TRAFD1: variants seen among roughly 807,000 people sequenced by gnomAD.
TRAFD1 encodes the protein TRAF-type zinc finger domain-containing protein 1.
A neutral mutation model predicts 65.3 loss-of-function variants in TRAFD1; 38 were observed. The observed-to-expected ratio is 0.58, with a 90% confidence interval of 0.45 to 0.76. TRAFD1 has a LOEUF of 0.76. Among genes scored for constraint, TRAFD1 ranks in the 30% least tolerant of loss-of-function variants. TRAFD1 has a pLI of 0.00. For synonymous variants in TRAFD1, 223 were observed against 257.2 expected, an observed-to-expected ratio of 0.87 and a Z score of 1.27; for missense variants, 631 against 712.6, an observed-to-expected ratio of 0.89 and a Z score of 1.30.
chr12:112,151,519 G>A (rs960614866), intron 9 of TRAFD1, among the ~76,000 whole-genome samples: 3 of 151,522 alleles, frequency 2.0e-5, no homozygotes, highest in African/African-American at 4.8e-5. Context: ...TCAGCCTCCT[G>A]AGTAGCTGAG....
intron 1 of TRAFD1, among the ~76,000 whole-genome samples, chr12:112,126,715 C>T (rs910289807): frequency 6.6e-6 from 1 of 151,234 alleles, no homozygotes; most frequent in Non-Finnish European, 1.5e-5. Flanking sequence ...AGTGCAGTGG[C>T]GAGATCTCAG....
chr12:112,140,779 T>C, intron 4 of TRAFD1, 40 bp from the exon 5 acceptor site: 1 of 1,605,736 alleles, frequency 6.2e-7, no homozygotes, highest in Non-Finnish European at 8.5e-7. Context: ...ACACCTCTCC[T>C]AGATATGCAT....
At chr12:112,135,579 G>A (rs2079594774) in intron 4 of TRAFD1, among the ~76,000 whole-genome samples, 1 of 151,826 alleles carries the variant, frequency 6.6e-6, no homozygotes, top group African/African-American at 2.4e-5. Context: ...GATTATAGGC[G>A]CCCACCACCA....
chr12:112,134,603 A>G (rs1288962199), intron 2 of TRAFD1, 135 bp from the exon 3 acceptor site: 2 of 1,033,758 alleles, frequency 1.9e-6, no homozygotes, highest in Non-Finnish European at 2.8e-6. Context: ...ATGAGTTTGT[A>G]GGCTAGGTAT....
intron 8 of TRAFD1, 49 bp from the exon 9 acceptor site, chr12:112,149,702 C>T (rs1228202610): frequency 1.9e-6 from 3 of 1,610,096 alleles, no homozygotes; most frequent in East Asian, 4.5e-5. Context: ...ATGCTCTTTT[C>T]TGGGAATGAC....
chr12:112,144,885 G>A (rs145292819), intron 6 of TRAFD1, among the ~76,000 whole-genome samples: 3 of 152,172 alleles, frequency 2.0e-5, no homozygotes, highest in East Asian at 1.9e-4. Context: ...TCACAAATGC[G>A]AATTTATGTA....
chr12:112,132,284 T>TA (rs1388449222), intron 2 of TRAFD1, among the ~76,000 whole-genome samples: 1 of 152,234 alleles, frequency 6.6e-6, no homozygotes, highest in African/African-American at 2.4e-5. Context: ...TTTCATTTTT[T>TA]ACCATTCTAT....
intron 4 of TRAFD1, among the ~76,000 whole-genome samples, chr12:112,138,531 C>G (rs1828004642): frequency 6.6e-6 from 1 of 151,138 alleles, no homozygotes; most frequent in Non-Finnish European, 1.5e-5. Context: ...GCCTGGGCAA[C>G]AGAGTGAGAC....
rs544585446 is a variant in TRAFD1, at chr12:112,148,160, C to T, written c.1014C>T (p.Phe338=). 6 of 1,614,070 alleles carry T rather than the reference C, an allele frequency of 3.7e-6. No homozygotes were observed. Among genetic ancestry groups the T allele is most frequent in the Non-Finnish European group, 5.1e-6 (6 of 1,180,048 alleles). The change falls in exon 8 of 12, where the codon TTC becomes TTT. Residue 338 remains phenylalanine (F), a synonymous_variant. Transcript: ENST00000412615. ...PRGVEEPDVI[F]QNFLQQAASN... is the part of the protein sequence containing the mutation. ...GGGTGGAGGAACCTGATGTCATCTT[C>T]CAGAACTTCTTGCAACAGGCTGCAA...
intron 2 of TRAFD1, among the ~76,000 whole-genome samples, chr12:112,131,369 T>G (rs932444327): frequency 1.3e-5 from 2 of 152,180 alleles, no homozygotes; most frequent in African/African-American, 4.8e-5. Context: ...AGGAGGAATC[T>G]CAAGCCTAGG....
Position 112,141,154 on chromosome 12 carries a change from A to G in TRAFD1, c.573A>G (p.Ser191=). The change falls in exon 5 of 12, where the codon TCA becomes TCG. Residue 191 remains serine (S), a synonymous_variant. Transcript: ENST00000412615. Reference sequence around the variant, plus strand: ...GAAGGCCCCTGAGAGCCTTTGAATCAGATGTTTTCCACAATAGAACTACCA... The same window carrying G: ...GAAGGCCCCTGAGAGCCTTTGAATCGGATGTTTTCCACAATAGAACTACCA... ...LPRRPLRAFE[S]DVFHNRTTNQ... 5.0e-6 allele frequency: 8 copies of G among 1,614,220 alleles called. No individual in the cohort carries two copies. The highest frequency in any genetic ancestry group is 6.8e-6 in the Non-Finnish European group (8 of 1,180,046).
chr12:112,134,476 G>A (rs763326927), intron 2 of TRAFD1, among the ~76,000 whole-genome samples: 10 of 151,912 alleles, frequency 6.6e-5, no homozygotes, highest in Admixed American at 6.6e-5. Flanking sequence ...GGTTGGTCTC[G>A]AACGCCTGAC....
At chr12:112,148,343 C>G (rs149616355) in intron 8 of TRAFD1, 39 bp downstream of exon 8, 1 of 1,568,330 alleles carries the variant, frequency 6.4e-7, no homozygotes, top group African/African-American at 1.3e-5. Flanking sequence ...TGGCTCTGTG[C>G]GTGAACCTGA....
chr12:112,141,053 G>T lies in TRAFD1; in HGVS notation c.472G>T (p.Gly158Cys). 6.2e-7 allele frequency: 1 copy of T among 1,614,114 alleles called. No individual in the cohort carries two copies. Among genetic ancestry groups the T allele is most frequent in the Non-Finnish European group, 8.5e-7 (1 of 1,180,010 alleles). Residue 158 changes from glycine to cysteine, a missense_variant, in exon 5 of 12, where the codon GGT becomes TGT. Transcript: ENST00000412615. ...IPPNAYDESWGQDGIWIASQL... is the reference protein window; with the variant it reads ...IPPNAYDESWCQDGIWIASQL... ...TCCTAATGCATATGATGAATCTTGG[G>T]GTCAGGATGGAATCTGGATTGCATC... is the stretch of plus-strand genomic sequence containing the variant.
chr12:112,135,030 C>G lies in TRAFD1; in HGVS notation c.201C>G (p.Asn67Lys), dbSNP rs748289143. ...TACTCTAGGTGACCTGCAAATGTAACAAGAAGTTGGAGAAGAGGCTGTTAA... is the reference window on the plus strand; with the variant it reads ...TACTCTAGGTGACCTGCAAATGTAAGAAGAAGTTGGAGAAGAGGCTGTTAA... ...AEHCQVTCKCNKKLEKRLLKK... is the reference protein window; with the variant it reads ...AEHCQVTCKCKKKLEKRLLKK... Residue 67 changes from asparagine (N) to lysine (K), a missense_variant, in exon 4 of 12, where the codon AAC becomes AAG. Coordinates refer to ENST00000412615, the MANE Select transcript of TRAFD1 (RefSeq NM_006700.3). 2.5e-6 allele frequency: 4 copies of G among 1,614,076 alleles called. No homozygotes were observed. Among genetic ancestry groups the G allele is most frequent in the Non-Finnish European group, 3.4e-6 (4 of 1,180,044 alleles).
rs966102878 is a variant in TRAFD1, at chr12:112,148,099, T to C, written c.953T>C (p.Leu318Ser). ...HQTSCNPSRALPSLNTGSSSP... is the reference protein window; with the variant it reads ...HQTSCNPSRASPSLNTGSSSP... ...ACAAGCTGTAACCCTTCACGTGCCT[T>C]ACCTTCACTCAATACTGGCAGCTCT... The change falls in exon 8 of 12, where the codon TTA (leucine) becomes TCA (serine). Residue 318 changes from leucine (L) to serine (S), a missense_variant. Transcript: ENST00000412615. 3.1e-6 allele frequency: 5 copies of C among 1,614,112 alleles called. No homozygotes were observed. Among genetic ancestry groups the C allele is most frequent in the Non-Finnish European group, 1.7e-6 (2 of 1,180,046 alleles).
chr12:112,153,197 T>G lies in TRAFD1; in HGVS notation c.*406T>G. ...GTTGGGGCCTAAATTTGGGGGCTTT[T>G]GGGCAACCTCTCCGTGTACTGCGTC... On this transcript the variant is annotated 3_prime_UTR_variant, in exon 12 of 12. Transcript: ENST00000412615. 1 of 187,092 alleles carries G rather than the reference T, an allele frequency of 5.3e-6. No homozygotes were observed. The highest frequency in any genetic ancestry group is 1.2e-4 in the South Asian group (1 of 8,680). 11.6% of individuals were successfully genotyped at this position (187,092 alleles called of 1,614,324 possible). A position where few individuals can be genotyped will look rare whatever the true frequency, so the allele number is the denominator to read the frequency against.
chr12:112,142,009 T>C, intron 5 of TRAFD1, 80 bp from the exon 6 acceptor site: 1 of 1,500,730 alleles, frequency 6.7e-7, no homozygotes. Flanking sequence ...AAACCTTGAC[T>C]ATTTGCTAGG....
chr12:112,136,123 C>T (rs1430024281), intron 4 of TRAFD1, among the ~76,000 whole-genome samples: 2 of 148,674 alleles, frequency 1.3e-5, no homozygotes, highest in African/African-American at 4.9e-5. Context: ...GGTGAGACTA[C>T]ATCTCAAAAA....
Sources: gnomAD v4.1 joint callset for allele counts (sites outside exome capture counted in the v4.1 genomes callset) on GRCh38, gnomAD v4.1.1 for gene constraint, MANE v1.5 for transcripts, NCBI Gene and HGNC (gene_info 2026-07-23, HGNC 2026-07-21) for gene names.